GRM4: variants seen among roughly 807,000 people sequenced by gnomAD.
GRM4 encodes glutamate metabotropic receptor 4.
Under a neutral mutation model 81.7 loss-of-function variants are expected in GRM4, and 28 were observed. That is an observed-to-expected ratio of 0.34 (90% CI 0.25 to 0.47). The LOEUF is 0.47. Among genes scored for constraint, GRM4 ranks in the 20% least tolerant of loss-of-function variants. GRM4 has a pLI of 1.00. For missense variants in GRM4, 948 were observed against 1,290.0 expected (o/e 0.73, Z 4.06); for synonymous variants, 488 against 528.8 (o/e 0.92, Z 1.06).
chr6:34,040,454 C>G (rs1764949233), intron 7 of GRM4, 94 bp downstream of exon 7: 1 of 1,402,966 alleles, frequency 7.1e-7, no homozygotes, highest in African/African-American at 1.4e-5. Flanking sequence ...TCAGGAGAGG[C>G]CTCCCATTCC....
intron 3 of GRM4, among the ~76,000 whole-genome samples, chr6:34,072,885 C>CAG (rs1299156532): frequency 2.4e-5 from 2 of 83,714 alleles, no homozygotes; most frequent in African/African-American, 9.3e-5. Flanking sequence ...ACCCACACAT[C>CAG]ATCACACAGA....
intron 2 of GRM4, among the ~76,000 whole-genome samples, chr6:34,117,836 A>G (rs1265812141): frequency 6.6e-6 from 1 of 152,204 alleles, no homozygotes; most frequent in Non-Finnish European, 1.5e-5. Context: ...CTCCTCATGG[A>G]GAGAGGCCAC....
intron 2 of GRM4, among the ~76,000 whole-genome samples, chr6:34,107,314 G>T (rs1410586272): frequency 6.6e-6 from 1 of 152,130 alleles, no homozygotes; most frequent in Non-Finnish European, 1.5e-5. Flanking sequence ...AGGCGATATG[G>T]CTCCACCCCA....
intron 2 of GRM4, among the ~76,000 whole-genome samples, chr6:34,124,907 T>G (rs1485622291): frequency 6.6e-6 from 1 of 151,268 alleles, no homozygotes; most frequent in Non-Finnish European, 1.5e-5. Context: ...AGAGGCCCCA[T>G]CAGCTCCTAC....
intron 9 of GRM4, among the ~76,000 whole-genome samples, chr6:34,033,523 G>A (rs868529961): frequency 2.0e-5 from 3 of 152,064 alleles, no homozygotes; most frequent in Non-Finnish European, 4.4e-5. Context: ...GGGATGATGA[G>A]ACCTCACCAG....
intron 2 of GRM4, among the ~76,000 whole-genome samples, chr6:34,126,512 A>AG (rs964496402): frequency 5.3e-5 from 8 of 152,186 alleles, no homozygotes; most frequent in Non-Finnish European, 8.8e-5. Context: ...GCAAAGCTTT[A>AG]GGTGAAAGGA....
chr6:34,120,882 C>A (rs901633782), intron 2 of GRM4, among the ~76,000 whole-genome samples: 1 of 152,246 alleles, frequency 6.6e-6, no homozygotes, highest in African/African-American at 2.4e-5. Context: ...GCATGAGCCA[C>A]TGCGCCCAGC....
chr6:34,146,115 T>C (rs1770922438), upstream of GRM4: 3 of 985,398 alleles, frequency 3.0e-6, no homozygotes, highest in East Asian at 2.3e-4. Context: ...AGGGGCGCGC[T>C]ACTCCCACCC....
chr6:34,062,342 G>C (rs1766230305), intron 3 of GRM4: 1 of 291,730 alleles, frequency 3.4e-6, no homozygotes. Flanking sequence ...TCAAATCTCA[G>C]CTCTGCCACT....
In GRM4 at chr6:34,072,004, C is replaced by T. The variant is rs111209644; in HGVS notation, c.737-9976G>A. 1.9e-3 allele frequency among the ~76,000 whole-genome samples: 291 copies of T among 151,568 alleles called. 2 individuals carry two copies. The highest frequency in any genetic ancestry group is 0.01 in the Middle Eastern group (3 of 292). On this transcript the variant is annotated intron_variant, in intron 3 of 10. Transcript: ENST00000538487. ...TCCCACACATCACCACAAAAATACA[C>T]ACCACACAGAGACACACACACCTAT... is the stretch of plus-strand genomic sequence containing the variant.
At position 34,062,036 on chromosome 6, in the gene GRM4, A is replaced by C. The variant is rs1325438275; in HGVS notation, c.737-8T>G. ...GGGCGATGCACACGCCCCCTGCAGG[A>C]GGGGCACCAGTTAGTTGGGGTGGGC... is the stretch of plus-strand genomic sequence containing the variant. On this transcript the variant is annotated splice_region_variant and splice_polypyrimidine_tract_variant and intron_variant, in intron 3 of 10. Coordinates refer to ENST00000538487, the MANE Select transcript of GRM4 (RefSeq NM_000841.4). 6.2e-7 allele frequency: 1 copy of C among 1,603,552 alleles called. No homozygotes were observed. The highest frequency in any genetic ancestry group is 1.7e-5 in the Admixed American group (1 of 59,656).
At chr6:34,094,942 C>T (rs1404669800) in intron 2 of GRM4, among the ~76,000 whole-genome samples, 2 of 152,210 alleles carry the variant, frequency 1.3e-5, no homozygotes. Flanking sequence ...AGGTGGTGAG[C>T]AGTGGATGGA....
chr6:34,112,795 G>A (rs1769440054), intron 2 of GRM4, among the ~76,000 whole-genome samples: 1 of 152,054 alleles, frequency 6.6e-6, no homozygotes, highest in South Asian at 2.1e-4. Flanking sequence ...CCAAGAATGC[G>A]AGTGGCACAG....
At chr6:34,129,174 C>T (rs958747704) in intron 2 of GRM4, among the ~76,000 whole-genome samples, 2 of 152,102 alleles carry the variant, frequency 1.3e-5, no homozygotes, top group Non-Finnish European at 1.5e-5. Context: ...GCCACCACAC[C>T]TGGCTAATTT....
In GRM4 at chr6:34,069,217, C is replaced by T. The variant is rs1158094803; in HGVS notation, c.737-7189G>A. Among the ~76,000 whole-genome samples the T allele has an allele frequency of 1.3e-5, 2 of 151,840 alleles. No individual in the cohort carries two copies. Among genetic ancestry groups the T allele is most frequent in the Non-Finnish European group, 2.9e-5 (2 of 67,982 alleles). ...ACACACACACACACGCACGCACACA[C>T]GGCTCCTTCCTTCTGACTTCCAAAG... On this transcript the variant is annotated intron_variant, in intron 3 of 10. Transcript: ENST00000538487. This position sits in a 1 kb window ranked among gnomAD's most constrained non-coding sequence, Gnocchi z 6.4.
Position 34,092,121 on chromosome 6 carries a change from T to A in GRM4, c.520-22A>T, listed in dbSNP as rs1768264146. Reference sequence around the variant, plus strand: ...GTATCTGAGGGGCGAGAGGGGCTGCTGAGGGTGGCGACTGGCTCCCCACCC... The same window carrying A: ...GTATCTGAGGGGCGAGAGGGGCTGCAGAGGGTGGCGACTGGCTCCCCACCC... On this transcript the variant is annotated intron_variant, in intron 2 of 10. Coordinates refer to ENST00000538487, the MANE Select transcript of GRM4 (RefSeq NM_000841.4). The surrounding 1 kb of genome is among the most constrained non-coding windows in gnomAD (Gnocchi z 6.8). 6 of 1,545,512 alleles carry A rather than the reference T, an allele frequency of 3.9e-6. No individual in the cohort carries two copies. In the Admixed American group the frequency reaches 5.1e-5, roughly 13 times the overall value.
At chr6:34,085,490 A>C (rs1368691526) in intron 3 of GRM4, among the ~76,000 whole-genome samples, 2 of 152,168 alleles carry the variant, frequency 1.3e-5, no homozygotes, top group Non-Finnish European at 2.9e-5. Flanking sequence ...TGGAGGTCCC[A>C]GGGTAGCCTG....
chr6:34,057,682 TAA>T (rs1229405319), intron 5 of GRM4, among the ~76,000 whole-genome samples: 7 of 152,230 alleles, frequency 4.6e-5, no homozygotes, highest in Non-Finnish European at 1.0e-4. Flanking sequence ...ACCATTGTTC[TAA>T]AAGTTTCTCT....
At chr6:34,061,099 G>C (rs1766156742) in intron 4 of GRM4, 1 of 152,330 alleles carries the variant, frequency 6.6e-6, no homozygotes, top group African/African-American at 2.4e-5. Context: ...GTCCAGTGAG[G>C]GGGAGTCTGA....
Sources: gnomAD v4.1 joint callset for allele counts (sites outside exome capture counted in the v4.1 genomes callset) on GRCh38, gnomAD v4.1.1 for gene constraint, Gnocchi (gnomAD v3.1) non-coding constraint, MANE v1.5 for transcripts, NCBI Gene and HGNC (gene_info 2026-07-23, HGNC 2026-07-21) for gene names.